The following OPCML variants were observed in gnomAD, a reference collection of about 807,000 sequenced individuals.
OPCML encodes the protein opioid binding protein/cell adhesion molecule like.
Under a neutral mutation model 37.8 loss-of-function variants are expected in OPCML, and 13 were observed. That is an observed-to-expected ratio of 0.34 (90% CI 0.22 to 0.55). The LOEUF (loss-of-function observed/expected upper bound fraction) is 0.55, where lower values mean the gene tolerates loss of function less well. OPCML is among the 20% of genes least tolerant of loss of function. OPCML has a pLI of 0.91. For missense variants in OPCML, 341 were observed against 435.6 expected (o/e 0.78, Z 1.93); for synonymous variants, 176 against 168.8 (o/e 1.04, Z -0.33).
chr11:132,637,391 G>A lies in OPCML; in HGVS notation c.379+19696C>T, dbSNP rs187378309. On this transcript the variant is annotated intron_variant, in intron 3 of 7. Transcript: ENST00000524381. ...GAATCGTACGCTAGCCTTTCTCTGA[G>A]CCTGCTGTTGAGGCTGTTGAAGGCT... is the stretch of plus-strand genomic sequence containing the variant. Among the ~76,000 whole-genome samples, 690 of 152,152 alleles carry A rather than the reference G, an allele frequency of 4.5e-3. 1 individual carries two copies. Among genetic ancestry groups the A allele is most frequent in the Non-Finnish European group, 7.6e-3 (516 of 68,012 alleles).
At chr11:133,351,669 C>A (rs1200479211) in intron 1 of OPCML, among the ~76,000 whole-genome samples, 1 of 152,130 alleles carries the variant, frequency 6.6e-6, no homozygotes, top group African/African-American at 2.4e-5. Context: ...CATTTGTAAC[C>A]CGGTTATTTC....
intron 2 of OPCML, among the ~76,000 whole-genome samples, chr11:132,688,107 T>G (rs1197048001): frequency 1.3e-5 from 2 of 152,146 alleles, no homozygotes; most frequent in African/African-American, 2.4e-5. Context: ...GCAAAAGCCC[T>G]TTTTGGATAA....
chr11:133,040,678 T>C (rs1433236159), intron 1 of OPCML, among the ~76,000 whole-genome samples: 1 of 151,946 alleles, frequency 6.6e-6, no homozygotes, highest in East Asian at 1.9e-4. Flanking sequence ...GAGTACCTGC[T>C]ACAGGAGAGG....
chr11:133,328,696 G>A (rs1241720747), intron 1 of OPCML, among the ~76,000 whole-genome samples: 3 of 152,066 alleles, frequency 2.0e-5, no homozygotes, highest in African/African-American at 4.8e-5. Flanking sequence ...AATAATAAGA[G>A]CTATCTATGA....
chr11:132,778,937 G>A (rs1485579713), intron 2 of OPCML, among the ~76,000 whole-genome samples: 1 of 145,776 alleles, frequency 6.9e-6, no homozygotes. Context: ...TAATAACACT[G>A]AATTACACTG....
At chr11:133,103,668 T>C (rs1375171314) in intron 1 of OPCML, among the ~76,000 whole-genome samples, 2 of 152,248 alleles carry the variant, frequency 1.3e-5, no homozygotes, top group Non-Finnish European at 2.9e-5. Context: ...GTGTTAAAAA[T>C]GAATTTCATT....
chr11:133,237,830 T>C (rs1940578627), intron 1 of OPCML, among the ~76,000 whole-genome samples: 1 of 152,116 alleles, frequency 6.6e-6, no homozygotes, highest in African/African-American at 2.4e-5. Context: ...CCCAGCCAGG[T>C]GCAGAGTTGG....
chr11:132,719,023 C>G (rs1298449631), intron 2 of OPCML, among the ~76,000 whole-genome samples: 1 of 152,178 alleles, frequency 6.6e-6, no homozygotes, highest in Non-Finnish European at 1.5e-5. Context: ...TCCCAGAGAA[C>G]TGCAGCCCTC....
chr11:132,651,499 G>A (rs948576681), intron 3 of OPCML, among the ~76,000 whole-genome samples: 3 of 152,140 alleles, frequency 2.0e-5, no homozygotes, highest in South Asian at 2.1e-4. Context: ...TAAAGCACGC[G>A]GCAGCTGCAT....
At chr11:133,271,868 C>T (rs748703234) in intron 1 of OPCML, among the ~76,000 whole-genome samples, 3 of 152,174 alleles carry the variant, frequency 2.0e-5, no homozygotes, top group South Asian at 2.1e-4. Flanking sequence ...AGTATGCACT[C>T]GGCAGGATGC....
chr11:132,705,703 G>A (rs1944005195), intron 2 of OPCML, among the ~76,000 whole-genome samples: 1 of 152,182 alleles, frequency 6.6e-6, no homozygotes, highest in Non-Finnish European at 1.5e-5. Context: ...ACGGTTGTAA[G>A]TTTCCAGAGG....
chr11:132,719,966 G>A (rs1254305129), intron 2 of OPCML, among the ~76,000 whole-genome samples: 1 of 152,172 alleles, frequency 6.6e-6, no homozygotes, highest in Non-Finnish European at 1.5e-5. Context: ...GTCATCTGGG[G>A]ACAGCTACCT....
intron 1 of OPCML, among the ~76,000 whole-genome samples, chr11:133,530,196 T>C (rs1419614966): frequency 6.6e-6 from 1 of 152,112 alleles, no homozygotes; most frequent in East Asian, 1.9e-4. Context: ...GGCTTTAGTT[T>C]CGGGTACTTC....
chr11:133,207,295 A>G (rs549702320), intron 1 of OPCML, among the ~76,000 whole-genome samples: 29 of 152,098 alleles, frequency 1.9e-4, no homozygotes, highest in African/African-American at 3.9e-4. Flanking sequence ...GTGAGACTCC[A>G]TCTCAAAAAC....
intron 2 of OPCML, among the ~76,000 whole-genome samples, chr11:132,695,220 C>A (rs151163634): frequency 1.3e-5 from 2 of 152,096 alleles, no homozygotes; most frequent in Admixed American, 6.5e-5. Context: ...GGAAGCACGG[C>A]CCCTTAGAAC....
intron 1 of OPCML, among the ~76,000 whole-genome samples, chr11:133,321,004 C>A (rs1281984613): frequency 6.6e-6 from 1 of 152,112 alleles, no homozygotes. Context: ...CAGCTGGAGT[C>A]CCCCAGCTCC....
intron 1 of OPCML, among the ~76,000 whole-genome samples, chr11:133,367,484 T>A (rs1944571565): frequency 6.6e-6 from 1 of 152,228 alleles, no homozygotes; most frequent in Non-Finnish European, 1.5e-5. Flanking sequence ...TCTTTGAAGA[T>A]GGCACCACTT....
At chr11:133,363,227 G>T (rs1202938085) in intron 1 of OPCML, among the ~76,000 whole-genome samples, 1 of 152,146 alleles carries the variant, frequency 6.6e-6, no homozygotes, top group Non-Finnish European at 1.5e-5. Flanking sequence ...GCTCCACTTT[G>T]CTACTCATGG....
In OPCML at chr11:133,493,585, A is replaced by G. The variant is rs138036216; in HGVS notation, c.61+38679T>C. Among the ~76,000 whole-genome samples, 557 of 152,164 alleles carry G rather than the reference A, an allele frequency of 3.7e-3. 1 individual carries two copies. The highest frequency in any genetic ancestry group is 0.013 in the African/African-American group (530 of 41,512). On this transcript the variant is annotated intron_variant, in intron 1 of 7. Transcript: ENST00000524381. ...CCACTGCATAAAGGCAGTATAACCTATTTCTCTATTGTTATACATCTCTTT... is the reference window on the plus strand; with the variant it reads ...CCACTGCATAAAGGCAGTATAACCTGTTTCTCTATTGTTATACATCTCTTT...
Sources: allele counts gnomAD v4.1 joint callset (sites outside exome capture counted in the v4.1 genomes callset), GRCh38; gene constraint gnomAD v4.1.1; transcripts MANE v1.5; gene names NCBI Gene and HGNC (gene_info 2026-07-23, HGNC 2026-07-21).